The following HSD17B12 variants were observed in gnomAD, a reference collection of about 807,000 sequenced individuals.
The protein encoded by HSD17B12 is very-long-chain 3-oxoacyl-CoA reductase.
Under a neutral mutation model 39.3 loss-of-function variants are expected in HSD17B12, and 32 were observed. The observed-to-expected ratio is 0.81, with a 90% CI of 0.61 to 1.09. HSD17B12 has a LOEUF of 1.09. Ranked by LOEUF, HSD17B12 falls within the 50% of genes least tolerant of loss-of-function variation. The probability of loss-of-function intolerance (pLI) is 0.00; values close to 1 mark genes in which losing one functional copy is unlikely to be tolerated. For missense variants in HSD17B12, 342 were observed against 382.9 expected, an observed-to-expected ratio of 0.89 and a Z score of 0.89; for synonymous variants, 150 against 146.7, an observed-to-expected ratio of 1.02 and a Z score of -0.16.
At chr11:43,841,371 T>C (rs1190008914) in intron 9 of HSD17B12, among the ~76,000 whole-genome samples, 4 of 152,234 alleles carry the variant, frequency 2.6e-5, no homozygotes, top group Non-Finnish European at 4.4e-5. Flanking sequence ...AATATCTTTT[T>C]ATTCACAAAA....
chr11:43,773,240 A>G lies in HSD17B12; in HGVS notation c.283+19119A>G, dbSNP rs572552815. 5.9e-5 allele frequency among the ~76,000 whole-genome samples: 9 copies of G among 152,338 alleles called. No homozygotes were observed. The East Asian group carries it at 1.7e-3, about 29-fold the overall frequency. Reference sequence around the variant, plus strand: ...TGGTTTATTTATTCATTTTAAAAATAGAATTAAAAAAATTTTTTTCAGAGA... The same window carrying G: ...TGGTTTATTTATTCATTTTAAAAATGGAATTAAAAAAATTTTTTTCAGAGA... On this transcript the variant is annotated intron_variant, in intron 3 of 10. Coordinates refer to ENST00000278353, the MANE Select transcript of HSD17B12 (RefSeq NM_016142.3).
chr11:43,706,647 G>A (rs1212025371), intron 1 of HSD17B12, among the ~76,000 whole-genome samples: 2 of 150,858 alleles, frequency 1.3e-5, no homozygotes, highest in African/African-American at 4.9e-5. Context: ...TCTGATAAAA[G>A]AGATTCAGTA....
chr11:43,760,044 G>A (rs938665256), intron 3 of HSD17B12, among the ~76,000 whole-genome samples: 8 of 151,964 alleles, frequency 5.3e-5, no homozygotes, highest in African/African-American at 1.9e-4. Context: ...TAAGAGGCAC[G>A]TGCCACCATG....
At chr11:43,686,682 C>G (rs1949803287) in intron 1 of HSD17B12, among the ~76,000 whole-genome samples, 1 of 148,562 alleles carries the variant, frequency 6.7e-6, no homozygotes, top group Non-Finnish European at 1.5e-5. Context: ...GAGACCCAAA[C>G]CTAGACTTGA....
At chr11:43,601,135 A>T in the HSD17B12 span, among the ~76,000 whole-genome samples, 1 of 149,860 alleles carries the variant, frequency 6.7e-6, no homozygotes. Context: ...TCTGGCATCC[A>T]TTTGTTTCCT....
chr11:43,838,353 T>C lies in HSD17B12; in HGVS notation c.573T>C (p.Ser191=), dbSNP rs1346610435. 9 of 1,613,378 alleles carry C rather than the reference T, an allele frequency of 5.6e-6. No homozygotes were observed. The Admixed American group carries it at 1.5e-4, about 27-fold the overall frequency. Residue 191 remains serine (S), a synonymous_variant, in exon 8 of 11, where the codon AGT becomes AGC. Coordinates refer to ENST00000278353, the MANE Select transcript of HSD17B12 (RefSeq NM_016142.3). Reference sequence around the variant, plus strand: ...CTATTCTGAACATTTCATCTGGCAGTGGCATGCTCCCTGTCCCACTCTTGA... The same window carrying C: ...CTATTCTGAACATTTCATCTGGCAGCGGCATGCTCCCTGTCCCACTCTTGA... ...KGAILNISSG[S]GMLPVPLLTI...
At chr11:43,687,152 C>T (rs10742687) in intron 1 of HSD17B12, among the ~76,000 whole-genome samples, 135,601 of 152,244 alleles carry the variant, frequency 0.89, 60,897 homozygotes, top group East Asian at 0.98. Context: ...ATTTTAAAAA[C>T]AGTGCATCCT....
chr11:43,750,526 A>G (rs1189509071), intron 1 of HSD17B12, among the ~76,000 whole-genome samples: 2 of 152,118 alleles, frequency 1.3e-5, no homozygotes, highest in South Asian at 2.1e-4. Flanking sequence ...CTATGCATCA[A>G]CTAAGCTACT....
At chr11:43,805,542 G>A (rs55860331) in intron 4 of HSD17B12, among the ~76,000 whole-genome samples, 5,272 of 152,152 alleles carry the variant, frequency 0.035, 126 homozygotes, top group Middle Eastern at 0.054. Flanking sequence ...CCCTACTCCC[G>A]CTTTTTCTCT....
At chr11:43,743,656 G>A (rs1950388279) in intron 1 of HSD17B12, among the ~76,000 whole-genome samples, 1 of 152,154 alleles carries the variant, frequency 6.6e-6, no homozygotes, top group African/African-American at 2.4e-5. Context: ...GGAAATTAGG[G>A]AATGCTTTTT....
chr11:43,771,116 C>G (rs1183992965), intron 3 of HSD17B12, among the ~76,000 whole-genome samples: 2 of 152,184 alleles, frequency 1.3e-5, no homozygotes, highest in Non-Finnish European at 2.9e-5. Context: ...GAGCCACTAT[C>G]TTAATTTCTA....
intron 1 of HSD17B12, among the ~76,000 whole-genome samples, chr11:43,744,384 G>A (rs1950395277): frequency 6.6e-6 from 1 of 152,016 alleles, no homozygotes; most frequent in Non-Finnish European, 1.5e-5. Context: ...ACATAGAAAT[G>A]GTGGGAAGTA....
chr11:43,788,622 G>A (rs1950837957), intron 3 of HSD17B12, among the ~76,000 whole-genome samples: 1 of 142,666 alleles, frequency 7.0e-6, no homozygotes, highest in African/African-American at 2.7e-5. Context: ...TTCTCTGCCT[G>A]CCACCTGTCG....
At chr11:43,716,287 C>G (rs528029137) in intron 1 of HSD17B12, among the ~76,000 whole-genome samples, 3 of 152,256 alleles carry the variant, frequency 2.0e-5, no homozygotes, top group African/African-American at 7.2e-5. Context: ...CAAACCAGAA[C>G]TTATATCTAC....
At chr11:43,571,902 T>C in the HSD17B12 span, among the ~76,000 whole-genome samples, 1 of 152,190 alleles carries the variant, frequency 6.6e-6, no homozygotes, top group Non-Finnish European at 1.5e-5. Flanking sequence ...ATAGCCTGAA[T>C]TATGCATGCT....
chr11:43,629,057 C>A, the HSD17B12 span, among the ~76,000 whole-genome samples: 2 of 151,984 alleles, frequency 1.3e-5, no homozygotes, highest in African/African-American at 4.8e-5. Flanking sequence ...AAACATGATC[C>A]CATCCCTACC....
intron 1 of HSD17B12, among the ~76,000 whole-genome samples, chr11:43,727,420 G>T (rs1345635978): frequency 2.0e-5 from 3 of 152,088 alleles, no homozygotes; most frequent in Non-Finnish European, 4.4e-5. Flanking sequence ...CAGTTTAGAG[G>T]GAACTTTGTG....
the HSD17B12 span, among the ~76,000 whole-genome samples, chr11:43,633,784 G>A: frequency 6.6e-6 from 1 of 151,740 alleles, no homozygotes. Context: ...GTTTTTGAAA[G>A]ACAAATGTGG....
At chr11:43,738,376 C>G (rs942502016) in intron 1 of HSD17B12, among the ~76,000 whole-genome samples, 4 of 148,902 alleles carry the variant, frequency 2.7e-5, no homozygotes, top group African/African-American at 9.8e-5. Flanking sequence ...CCTCCCCCAA[C>G]CCCCACCCCC....
Sources: gnomAD v4.1 joint callset for allele counts (sites outside exome capture counted in the v4.1 genomes callset) on GRCh38, gnomAD v4.1.1 for gene constraint, MANE v1.5 for transcripts, NCBI Gene and HGNC (gene_info 2026-07-23, HGNC 2026-07-21) for gene names.